The following DGKB variants were observed in gnomAD, a reference collection of about 807,000 sequenced individuals.
DGKB encodes the protein 90 kDa diacylglycerol kinase.
DGKB carries 67 observed loss-of-function variants against 114.3 expected under a neutral mutation model. That is an observed-to-expected ratio of 0.59 (90% CI 0.48 to 0.72). DGKB has a LOEUF of 0.72. Among genes scored for constraint, DGKB ranks in the 30% least tolerant of loss-of-function variants. DGKB has a pLI of 0.00. For synonymous variants in DGKB, 398 were observed against 323.1 expected, an observed-to-expected ratio of 1.23 and a Z score of -2.49; for missense variants, 907 against 975.2, an observed-to-expected ratio of 0.93 and a Z score of 0.93.
At chr7:14,621,178 T>C (rs934398488) in intron 15 of DGKB, 200 bp downstream of exon 15, 1 of 466,820 alleles carries the variant, frequency 2.1e-6, no homozygotes, top group Non-Finnish European at 3.8e-6. Context: ...AAATCATAAA[T>C]GATTAATTTA....
chr7:14,356,455 G>T (rs191395682), intron 21 of DGKB, among the ~76,000 whole-genome samples: 4 of 146,188 alleles, frequency 2.7e-5, no homozygotes, highest in African/African-American at 1.0e-4. Context: ...TCCGCCTTCC[G>T]GGTTTATGCC....
chr7:14,273,913 C>A (rs1469329190), intron 23 of DGKB, among the ~76,000 whole-genome samples: 1 of 152,156 alleles, frequency 6.6e-6, no homozygotes, highest in Admixed American at 6.5e-5. Flanking sequence ...ATCAAGATGA[C>A]AATACCTAAG....
At chr7:14,817,718 C>T (rs1449437388) in intron 2 of DGKB, among the ~76,000 whole-genome samples, 1 of 152,114 alleles carries the variant, frequency 6.6e-6, no homozygotes, top group Non-Finnish European at 1.5e-5. Context: ...AAAATAAGCA[C>T]AAATGACACA....
intron 21 of DGKB, among the ~76,000 whole-genome samples, chr7:14,475,625 C>T (rs1292176070): frequency 6.6e-6 from 1 of 152,078 alleles, no homozygotes; most frequent in Non-Finnish European, 1.5e-5. Flanking sequence ...TTTTAGAGAG[C>T]ATTTTCTATG....
At chr7:14,370,456 G>A (rs1028441894) in intron 21 of DGKB, among the ~76,000 whole-genome samples, 1 of 152,072 alleles carries the variant, frequency 6.6e-6, no homozygotes, top group African/African-American at 2.4e-5. Flanking sequence ...TTCTAATTCT[G>A]TGAAGAAAGT....
intron 23 of DGKB, among the ~76,000 whole-genome samples, chr7:14,210,723 G>C (rs1428215499): frequency 6.6e-6 from 1 of 152,020 alleles, no homozygotes; most frequent in Non-Finnish European, 1.5e-5. Flanking sequence ...CTCACCTCAA[G>C]AGATGACTGT....
At chr7:14,576,655 G>C (rs770529730) in intron 19 of DGKB, among the ~76,000 whole-genome samples, 1 of 152,142 alleles carries the variant, frequency 6.6e-6, no homozygotes, top group East Asian at 1.9e-4. Context: ...TCATGTCTCA[G>C]GTTAATAGCA....
chr7:14,224,132 T>C (rs552228485), intron 23 of DGKB, among the ~76,000 whole-genome samples: 16 of 151,938 alleles, frequency 1.1e-4, no homozygotes, highest in Non-Finnish European at 2.4e-4. Flanking sequence ...TGCTTCCTCC[T>C]ATCTTTATTT....
At chr7:14,746,086 C>T (rs1377779586) in intron 4 of DGKB, among the ~76,000 whole-genome samples, 1 of 152,188 alleles carries the variant, frequency 6.6e-6, no homozygotes, top group African/African-American at 2.4e-5. Context: ...CTAGCTCATG[C>T]CTGGCACTTT....
intron 21 of DGKB, among the ~76,000 whole-genome samples, chr7:14,348,522 G>A (rs187266532): frequency 4.5e-4 from 68 of 151,664 alleles, no homozygotes; most frequent in African/African-American, 7.3e-5. Context: ...GATGCTCAAC[G>A]ACATTAGCGT....
Position 14,465,882 on chromosome 7 carries a change from T to C in DGKB, c.1835+12279A>G, listed in dbSNP as rs145061666. The stretch of plus-strand genomic sequence containing the variant: ...GTCACACTTGCTCACATGTGATATA[T>C]GTAGTGTGAGCCTTACTCCTAGCTG... On this transcript the variant is annotated intron_variant, in intron 21 of 25. Coordinates refer to ENST00000402815, the MANE Select transcript of DGKB (RefSeq NM_001350709.2). Among the ~76,000 whole-genome samples the C allele has an allele frequency of 3.2e-3, 491 of 152,266 alleles. 3 individuals are homozygous for C. The highest frequency in any genetic ancestry group is 0.011 in the African/African-American group (465 of 41,548).
At chr7:14,570,607 G>T (rs1326796759) in intron 20 of DGKB, among the ~76,000 whole-genome samples, 1 of 152,004 alleles carries the variant, frequency 6.6e-6, no homozygotes, top group Non-Finnish European at 1.5e-5. Context: ...CTAAAGAAAA[G>T]AAAATGTTAA....
At chr7:14,747,769 C>CTGCG (rs1833516782) in intron 4 of DGKB, among the ~76,000 whole-genome samples, 2 of 92,810 alleles carry the variant, frequency 2.2e-5, no homozygotes, top group African/African-American at 1.0e-4. Flanking sequence ...TCAAACACAT[C>CTGCG]CACGCGCACG....
At chr7:14,823,314 C>T (rs901395631) in intron 2 of DGKB, among the ~76,000 whole-genome samples, 16 of 151,694 alleles carry the variant, frequency 1.1e-4, no homozygotes, top group Admixed American at 7.2e-4. Flanking sequence ...TTTCTAAAAC[C>T]AGCAGATTAA....
chr7:14,878,411 A>G (rs1045122318), intron 1 of DGKB, among the ~76,000 whole-genome samples: 28 of 152,182 alleles, frequency 1.8e-4, no homozygotes, highest in African/African-American at 6.5e-4. Context: ...AAGTAGGTGA[A>G]GAGTCACTTA....
chr7:14,706,969 AG>A (rs1268880150), intron 6 of DGKB, among the ~76,000 whole-genome samples: 1 of 148,884 alleles, frequency 6.7e-6, no homozygotes, highest in Non-Finnish European at 1.5e-5. Flanking sequence ...CTAAAATCAG[AG>A]CAGAACTGAA....
chr7:14,703,463 T>C (rs1290361485), intron 6 of DGKB, among the ~76,000 whole-genome samples: 1 of 152,176 alleles, frequency 6.6e-6, no homozygotes, highest in Non-Finnish European at 1.5e-5. Flanking sequence ...AATCACACTT[T>C]ATGAAGAGCA....
chr7:14,688,527 T>C (rs1822119649), intron 9 of DGKB, among the ~76,000 whole-genome samples: 1 of 152,188 alleles, frequency 6.6e-6, no homozygotes. Flanking sequence ...ATCCCAATTT[T>C]TCAGTCAAAA....
chr7:14,717,556 A>G (rs1224964920), intron 6 of DGKB, among the ~76,000 whole-genome samples: 2 of 152,180 alleles, frequency 1.3e-5, no homozygotes, highest in Non-Finnish European at 2.9e-5. Context: ...TGACTCTTAA[A>G]TAATCACATT....
Sources: gnomAD v4.1 joint callset for allele counts (sites outside exome capture counted in the v4.1 genomes callset) on GRCh38, gnomAD v4.1.1 for gene constraint, MANE v1.5 for transcripts, NCBI Gene and HGNC (gene_info 2026-07-23, HGNC 2026-07-21) for gene names.